Variants in TRIM24 observed in about 807,000 individuals in gnomAD.
TRIM24 encodes the protein transcription intermediary factor 1-alpha.
Under a neutral mutation model 123.9 loss-of-function variants are expected in TRIM24, and 29 were observed. The observed-to-expected ratio is 0.23, with a 90% CI of 0.17 to 0.32. The LOEUF (loss-of-function observed/expected upper bound fraction) is 0.32. Among genes scored for constraint, TRIM24 ranks in the 10% least tolerant of loss-of-function variants. TRIM24 has a pLI of 1.00. For missense variants in TRIM24, 932 were observed against 1,295.3 expected (o/e 0.72, Z 4.31); for synonymous variants, 456 against 461.1 (o/e 0.99, Z 0.14).
At chr7:138,503,274 G>A (rs930707078) in intron 1 of TRIM24, among the ~76,000 whole-genome samples, 4 of 152,084 alleles carry the variant, frequency 2.6e-5, no homozygotes, top group Non-Finnish European at 2.9e-5. Context: ...TAATAGAGGT[G>A]CTTTGAATCT....
chr7:138,570,644 GTTTT>G (rs199636029), intron 10 of TRIM24, among the ~76,000 whole-genome samples, 182 bp from the exon 11 acceptor site: 1 of 135,804 alleles, frequency 7.4e-6, no homozygotes, highest in African/African-American at 2.7e-5. Context: ...TACTGTTTTG[GTTTT>G]TTTTTTTTTT....
chr7:138,474,455 A>G (rs1795354260), intron 1 of TRIM24, among the ~76,000 whole-genome samples: 1 of 152,120 alleles, frequency 6.6e-6, no homozygotes, highest in South Asian at 2.1e-4. Flanking sequence ...CCAGCTCTCC[A>G]AGGAGCCCCA....
At chr7:138,559,378 ATG>A (rs1418870249) in intron 9 of TRIM24, among the ~76,000 whole-genome samples, 1 of 152,188 alleles carries the variant, frequency 6.6e-6, no homozygotes, top group Non-Finnish European at 1.5e-5. Flanking sequence ...AAAGAGTAGC[ATG>A]TTTATACCCA....
At chr7:138,535,721 T>C (rs1796855803) in intron 6 of TRIM24, among the ~76,000 whole-genome samples, 1 of 152,152 alleles carries the variant, frequency 6.6e-6, no homozygotes, top group Admixed American at 6.5e-5. Context: ...AAGGAGTATC[T>C]TTGTGGCATT....
chr7:138,547,152 A>T (rs962853629), intron 7 of TRIM24, among the ~76,000 whole-genome samples: 1 of 152,208 alleles, frequency 6.6e-6, no homozygotes, highest in African/African-American at 2.4e-5. Context: ...AACCTGGAGG[A>T]CATTATATTT....
intron 2 of TRIM24, 99 bp from the exon 3 acceptor site, chr7:138,515,113 A>G: frequency 3.9e-6 from 5 of 1,275,088 alleles, no homozygotes; most frequent in Non-Finnish European, 5.3e-6. Context: ...AGGCTAACTG[A>G]TTTAGCCTGG....
chr7:138,531,204 TGTATAC>T lies in TRIM24; in HGVS notation c.996+1977_996+1982del, dbSNP rs1563049015. Among the ~76,000 whole-genome samples, 597 of 147,964 alleles carry T rather than the reference TGTATAC, an allele frequency of 4.0e-3. 6 individuals carry two copies. Among genetic ancestry groups the T allele is most frequent in the African/African-American group, 0.015 (566 of 37,758 alleles). On this transcript the variant is annotated intron_variant, in intron 6 of 18. Coordinates refer to ENST00000343526, the MANE Select transcript of TRIM24 (RefSeq NM_015905.3). ...ATATGTATATGTATACATGTATACA[TGTATAC>T]GTGTATGTTACATACGTATACATGT...
rs1794926356 is a variant in TRIM24, at chr7:138,460,266, A to T, written c.-283A>T. ...GGCAAGGGCGGGCTGGGCGTATTCCACGAGCGCCTCGGCGGTTGGCGAAGC... is the reference window on the plus strand; with the variant it reads ...GGCAAGGGCGGGCTGGGCGTATTCCTCGAGCGCCTCGGCGGTTGGCGAAGC... On this transcript the variant is annotated 5_prime_UTR_variant, in exon 1 of 19. Coordinates refer to ENST00000343526, the MANE Select transcript of TRIM24 (RefSeq NM_015905.3). 2 of 350,598 alleles carry T rather than the reference A, an allele frequency of 5.7e-6. No homozygotes were observed. Among genetic ancestry groups the T allele is most frequent in the South Asian group, 1.4e-4 (1 of 6,926 alleles). 21.7% of individuals were successfully genotyped at this position (350,598 alleles called of 1,614,324 possible). A position where few individuals can be genotyped will look rare whatever the true frequency, so the allele number is the denominator to read the frequency against.
At chr7:138,529,434 T>C (rs1189051993) in intron 6 of TRIM24, among the ~76,000 whole-genome samples, 1 of 152,210 alleles carries the variant, frequency 6.6e-6, no homozygotes, top group Non-Finnish European at 1.5e-5. Context: ...GTCTGATGAC[T>C]GATTGTTTTC....
intron 9 of TRIM24, among the ~76,000 whole-genome samples, chr7:138,560,728 CTCA>C (rs1435155757): frequency 6.6e-6 from 1 of 152,190 alleles, no homozygotes; most frequent in Non-Finnish European, 1.5e-5. Context: ...TGGCTAGCCT[CTCA>C]TCAGAGAATT....
intron 1 of TRIM24, among the ~76,000 whole-genome samples, chr7:138,475,437 A>G (rs1248594918): frequency 6.6e-6 from 1 of 152,222 alleles, no homozygotes; most frequent in African/African-American, 2.4e-5. Context: ...CCATATAGTG[A>G]TATTAGTAAA....
chr7:138,522,600 G>C (rs887870638), intron 4 of TRIM24, among the ~76,000 whole-genome samples: 1 of 151,980 alleles, frequency 6.6e-6, no homozygotes, highest in Non-Finnish European at 1.5e-5. Flanking sequence ...TGAGACAAAT[G>C]ATATAATTAA....
intron 1 of TRIM24, among the ~76,000 whole-genome samples, chr7:138,477,365 C>T (rs371550475): frequency 8.6e-5 from 13 of 151,966 alleles, no homozygotes; most frequent in East Asian, 5.8e-4. Flanking sequence ...TGACTGCTAG[C>T]GAGGCAAGAA....
At chr7:138,538,262 A>T (rs1490355203) in intron 6 of TRIM24, among the ~76,000 whole-genome samples, 1 of 152,244 alleles carries the variant, frequency 6.6e-6, no homozygotes, top group African/African-American at 2.4e-5. Context: ...TAAAAGGTGA[A>T]ATCATATGAT....
chr7:138,499,379 A>C (rs965087570), intron 1 of TRIM24, among the ~76,000 whole-genome samples: 2 of 152,220 alleles, frequency 1.3e-5, no homozygotes, highest in Non-Finnish European at 2.9e-5. Context: ...CAAAACATTT[A>C]TAAGCACAAC....
intron 12 of TRIM24, among the ~76,000 whole-genome samples, chr7:138,573,904 A>G (rs957700695): frequency 4.6e-5 from 7 of 151,996 alleles, no homozygotes; most frequent in Admixed American, 4.6e-4. Context: ...AGCTCAAGCG[A>G]TCTCCCACCT....
chr7:138,529,924 A>G lies in TRIM24; in HGVS notation c.996+694A>G, dbSNP rs189874229. 6.8e-4 allele frequency among the ~76,000 whole-genome samples: 103 copies of G among 152,302 alleles called. No individual in the cohort carries two copies. The South Asian group carries it at 0.012, about 17-fold the overall frequency. On this transcript the variant is annotated intron_variant, in intron 6 of 18. Coordinates refer to ENST00000343526, the MANE Select transcript of TRIM24 (RefSeq NM_015905.3). Reference sequence around the variant, plus strand: ...GACATAGAAAGCATATTGATACAGTAAAGAAGCAAATGAGAAAAAAAAGAA... The same window carrying G: ...GACATAGAAAGCATATTGATACAGTGAAGAAGCAAATGAGAAAAAAAAGAA...
intron 9 of TRIM24, among the ~76,000 whole-genome samples, chr7:138,555,921 T>G: frequency 6.6e-6 from 1 of 152,196 alleles, no homozygotes; most frequent in Admixed American, 6.5e-5. Flanking sequence ...ATGGTCGACA[T>G]CTTACATACC....
chr7:138,523,208 AG>A (rs1341726364), intron 4 of TRIM24, among the ~76,000 whole-genome samples: 4 of 152,240 alleles, frequency 2.6e-5, no homozygotes, highest in Admixed American at 6.5e-5. Flanking sequence ...AACCACTACC[AG>A]GAGTAGGAAG....
Sources: allele counts gnomAD v4.1 joint callset (sites outside exome capture counted in the v4.1 genomes callset), GRCh38; gene constraint gnomAD v4.1.1; transcripts MANE v1.5; gene names NCBI Gene and HGNC (gene_info 2026-07-23, HGNC 2026-07-21).